NTNG2: variants seen among roughly 807,000 people sequenced by gnomAD.
NTNG2 encodes netrin-G2.
A neutral mutation model predicts 47.6 loss-of-function variants in NTNG2; 15 were observed. The ratio of observed to expected loss-of-function variants is 0.32; its 90% confidence interval spans 0.21 to 0.49. The LOEUF (loss-of-function observed/expected upper bound fraction) is 0.49. Ranked by LOEUF, NTNG2 falls within the 20% of genes least tolerant of loss-of-function variation. NTNG2 has a pLI of 0.99. For synonymous variants in NTNG2, 307 were observed against 324.6 expected (o/e 0.95, Z 0.58); for missense variants, 578 against 764.6 (o/e 0.76, Z 2.88).
chr9:132,225,620 A>G (rs984122627), intron 3 of NTNG2, among the ~76,000 whole-genome samples: 12 of 152,194 alleles, frequency 7.9e-5, no homozygotes, highest in Admixed American at 7.9e-4. Context: ...CCACAATATC[A>G]TCATCACACC....
intron 2 of NTNG2, among the ~76,000 whole-genome samples, chr9:132,167,364 T>G (rs1049296298): frequency 1.3e-5 from 2 of 152,196 alleles, no homozygotes; most frequent in African/African-American, 4.8e-5. Flanking sequence ...AAGCCCCACC[T>G]CCTGTGTAGG....
At chr9:132,192,864 C>A (rs1446891774) in intron 2 of NTNG2, among the ~76,000 whole-genome samples, 1 of 152,244 alleles carries the variant, frequency 6.6e-6, no homozygotes, top group African/African-American at 2.4e-5. Context: ...GCTCGCTCCA[C>A]AGCAGGCGAG....
rs1399701520 is a variant in NTNG2, at chr9:132,241,836, C to T, written c.1358-40C>T. On this transcript the variant is annotated intron_variant, in intron 7 of 7. Transcript: ENST00000393229. ...AGGAGCTCGGAGGTTGGCGGGGGGA[C>T]CGGGCCACCCCCCGTGCTGACCGCC... The T allele has an allele frequency of 2.8e-6, 4 of 1,428,990 alleles. No individual in the cohort carries two copies. The African/African-American group carries it at 5.9e-5, about 21-fold the overall frequency. The allele number at this position is 1,428,990 out of a possible 1,614,324, so 88.5% of individuals were successfully genotyped here.
chr9:132,192,407 A>G (rs1032733257), intron 2 of NTNG2, among the ~76,000 whole-genome samples: 2 of 152,168 alleles, frequency 1.3e-5, no homozygotes, highest in Non-Finnish European at 2.9e-5. Flanking sequence ...CCTTGCCAAC[A>G]TGGTGAAACC....
rs1836829168 is a variant in NTNG2, at chr9:132,180,272, T to C, written c.213+13228T>C. Among the ~76,000 whole-genome samples, 1 of 152,202 alleles carries C rather than the reference T, an allele frequency of 6.6e-6. No homozygotes were observed. The highest frequency in any genetic ancestry group is 2.4e-5 in the African/African-American group (1 of 41,454). On this transcript the variant is annotated intron_variant, in intron 2 of 7. Transcript: ENST00000393229. The surrounding 1 kb of genome is among the most constrained non-coding windows in gnomAD (Gnocchi z 4.2). ...GGGCAAAAGGTGAAGAAGAGACCAA[T>C]GAGAGATGAGCCCACGGTGCTCCTG...
chr9:132,177,129 G>A (rs2131335695), intron 2 of NTNG2, among the ~76,000 whole-genome samples: 1 of 152,282 alleles, frequency 6.6e-6, no homozygotes. Context: ...TGGGATTACA[G>A]GTACACACCA....
At position 132,231,470 on chromosome 9, in the gene NTNG2, C is replaced by T. The variant is rs910125990; in HGVS notation, c.1054+875C>T. 2.4e-5 allele frequency: 9 copies of T among 369,106 alleles called. No individual in the cohort carries two copies. In the Admixed American group the frequency reaches 3.2e-4, roughly 13 times the overall value. 22.9% of individuals were successfully genotyped at this position (369,106 alleles called of 1,614,324 possible). On this transcript the variant is annotated intron_variant, in intron 5 of 7. Transcript: ENST00000393229. This position sits in a 1 kb window ranked among gnomAD's most constrained non-coding sequence, Gnocchi z 4.1. ...GGCCCCACATCCCACCCAAGTTGTC[C>T]CTCCCGGACCCAGGGGGCCCCTGGC...
chr9:132,226,624 C>T lies in NTNG2; in HGVS notation c.858-225C>T, dbSNP rs959318267. 6.6e-6 allele frequency among the ~76,000 whole-genome samples: 1 copy of T among 152,254 alleles called. No individual in the cohort carries two copies. The highest frequency in any genetic ancestry group is 1.9e-4 in the East Asian group (1 of 5,204). Reference sequence around the variant, plus strand: ...AGCATCAGAGCAGAGAGGAGAGCCGCGCAGTGACTGCAGGTGTGGCCTTTG... The same window carrying T: ...AGCATCAGAGCAGAGAGGAGAGCCGTGCAGTGACTGCAGGTGTGGCCTTTG... On this transcript the variant is annotated intron_variant, in intron 3 of 7. Coordinates refer to ENST00000393229, the MANE Select transcript of NTNG2 (RefSeq NM_032536.4). The surrounding 1 kb of genome is among the most constrained non-coding windows in gnomAD (Gnocchi z 4.8).
chr9:132,210,249 C>A (rs1468899343), intron 3 of NTNG2, among the ~76,000 whole-genome samples: 1 of 152,108 alleles, frequency 6.6e-6, no homozygotes, highest in Non-Finnish European at 1.5e-5. Flanking sequence ...GTTTCCCCAC[C>A]TGTAAAATGG....
intron 5 of NTNG2, among the ~76,000 whole-genome samples, chr9:132,237,798 G>A (rs1447945151): frequency 2.0e-5 from 3 of 152,206 alleles, no homozygotes; most frequent in Non-Finnish European, 4.4e-5. Context: ...GGCTCCCCTG[G>A]GAGGTGTGGC....
At chr9:132,189,053 A>G (rs946122366) in intron 2 of NTNG2, among the ~76,000 whole-genome samples, 7 of 123,734 alleles carry the variant, frequency 5.7e-5, no homozygotes, top group Non-Finnish European at 1.2e-4. Flanking sequence ...TATGTGAAAA[A>G]GGCTTTAAGC....
chr9:132,213,938 A>G (rs1839788786), intron 3 of NTNG2, among the ~76,000 whole-genome samples: 1 of 152,168 alleles, frequency 6.6e-6, no homozygotes, highest in African/African-American at 2.4e-5. Flanking sequence ...TGGTCCTGCA[A>G]AGAGGTGCTT....
At chr9:132,169,050 C>T (rs1039234718) in intron 2 of NTNG2, among the ~76,000 whole-genome samples, 13 of 152,288 alleles carry the variant, frequency 8.5e-5, no homozygotes, top group South Asian at 2.1e-4. Context: ...GTCCCAGTGC[C>T]GGCAGAGCCT....
At chr9:132,211,615 G>A (rs1030265214) in intron 3 of NTNG2, among the ~76,000 whole-genome samples, 11 of 152,078 alleles carry the variant, frequency 7.2e-5, no homozygotes, top group Non-Finnish European at 1.5e-4. Flanking sequence ...ACATGACCTA[G>A]CCCTCCCCAG....
intron 3 of NTNG2, among the ~76,000 whole-genome samples, chr9:132,211,555 C>T (rs1358779422): frequency 2.6e-5 from 4 of 152,140 alleles, no homozygotes; most frequent in Non-Finnish European, 5.9e-5. Context: ...TCAGCCACCC[C>T]AAAGGCTGGG....
chr9:132,225,304 T>A (rs978811631), intron 3 of NTNG2, among the ~76,000 whole-genome samples: 5 of 151,972 alleles, frequency 3.3e-5, no homozygotes, highest in African/African-American at 1.2e-4. Context: ...AGAGTCTTGC[T>A]CTGTCTCCCA....
At position 132,163,329 on chromosome 9, in the gene NTNG2, G is replaced by A. The variant is rs902771570; in HGVS notation, c.-484+1090G>A. ...GGGACCCACCCGGGAGCTGCTGCTC[G>A]CGCCCCGCCTCCCGCGCCCAACTTT... On this transcript the variant is annotated intron_variant, in intron 1 of 7. Coordinates refer to ENST00000393229, the MANE Select transcript of NTNG2 (RefSeq NM_032536.4). The surrounding 1 kb of genome is among the most constrained non-coding windows in gnomAD (Gnocchi z 7.2). Among the ~76,000 whole-genome samples the A allele has an allele frequency of 6.6e-6, 1 of 151,244 alleles. No individual in the cohort carries two copies. The highest frequency in any genetic ancestry group is 2.4e-5 in the African/African-American group (1 of 41,188).
At chr9:132,167,189 A>T in intron 2 of NTNG2, 145 bp downstream of exon 2, 1 of 805,330 alleles carries the variant, frequency 1.2e-6, no homozygotes, top group Non-Finnish European at 2.0e-6. Context: ...CCAGACCTGG[A>T]CCAGGTCTTT....
chr9:132,174,885 G>A (rs149116022), intron 2 of NTNG2, among the ~76,000 whole-genome samples: 2,420 of 150,710 alleles, frequency 0.016, 68 homozygotes, highest in African/African-American at 0.054. Flanking sequence ...TCGTCCCACT[G>A]CACTCCAGCC....
Sources: gnomAD v4.1 joint callset for allele counts (sites outside exome capture counted in the v4.1 genomes callset) on GRCh38, gnomAD v4.1.1 for gene constraint, Gnocchi (gnomAD v3.1) non-coding constraint, MANE v1.5 for transcripts, NCBI Gene and HGNC (gene_info 2026-07-23, HGNC 2026-07-21) for gene names.